CMTM7: variants seen among roughly 807,000 people sequenced by gnomAD.
CMTM7 encodes CKLF like MARVEL transmembrane domain containing 7.
Under a neutral mutation model 19.3 loss-of-function variants are expected in CMTM7, and 7 were observed. That is an observed-to-expected ratio of 0.36 (90% CI 0.21 to 0.68). CMTM7 has a LOEUF of 0.68. Ranked by LOEUF, CMTM7 falls within the 30% of genes least tolerant of loss-of-function variation. The probability of loss-of-function intolerance (pLI) is 0.60; values close to 1 mark genes in which losing one functional copy is unlikely to be tolerated. For synonymous variants in CMTM7, 87 were observed against 99.3 expected, an observed-to-expected ratio of 0.88 and a Z score of 0.74; for missense variants, 193 against 232.6, an observed-to-expected ratio of 0.83 and a Z score of 1.11.
chr3:32,423,013 C>G (rs539072252), intron 1 of CMTM7, among the ~76,000 whole-genome samples: 25 of 152,348 alleles, frequency 1.6e-4, no homozygotes, highest in Middle Eastern at 3.4e-3. Context: ...AGGCACAAAA[C>G]CTCAGTGGCA....
chr3:32,425,502 A>G (rs115656283), intron 1 of CMTM7, among the ~76,000 whole-genome samples: 53 of 152,204 alleles, frequency 3.5e-4, no homozygotes, highest in African/African-American at 1.3e-3. Context: ...GGAAAAAAAA[A>G]AAAATAAAAG....
chr3:32,395,449 A>C (rs923247295), intron 1 of CMTM7, among the ~76,000 whole-genome samples: 11 of 152,258 alleles, frequency 7.2e-5, no homozygotes, highest in African/African-American at 2.2e-4. Context: ...AACGGGCTAA[A>C]GAGTTAAAGA....
chr3:32,425,353 C>G (rs564133293), intron 1 of CMTM7, among the ~76,000 whole-genome samples: 1 of 152,262 alleles, frequency 6.6e-6, no homozygotes, highest in South Asian at 2.1e-4. Context: ...CAGTCACACC[C>G]TTTTATTTTG....
At chr3:32,441,786 C>T (rs1559413440) in intron 1 of CMTM7, 54 bp from the exon 2 acceptor site, 4 of 1,536,038 alleles carry the variant, frequency 2.6e-6, no homozygotes, top group East Asian at 4.5e-5. Flanking sequence ...TTGTTTGTTC[C>T]CTGGGTGCCC....
chr3:32,453,648 G>A (rs1252196676), intron 4 of CMTM7, among the ~76,000 whole-genome samples: 1 of 152,164 alleles, frequency 6.6e-6, no homozygotes, highest in Admixed American at 6.5e-5. Flanking sequence ...AGAGACACAA[G>A]GTAGACCCAT....
intron 1 of CMTM7, among the ~76,000 whole-genome samples, chr3:32,411,557 G>C (rs1208165756): frequency 6.6e-6 from 1 of 152,298 alleles, no homozygotes; most frequent in Non-Finnish European, 1.5e-5. Flanking sequence ...TGCTGGGTTT[G>C]TGCACTGGCT....
chr3:32,454,106 TCTC>T (rs1229888659), intron 4 of CMTM7, 132 bp from the exon 5 acceptor site: 1 of 941,092 alleles, frequency 1.1e-6, no homozygotes, highest in Non-Finnish European at 1.6e-6. Context: ...AATGGAATAA[TCTC>T]AGTGCAAGTC....
At chr3:32,435,158 C>CT (rs898789253) in intron 1 of CMTM7, among the ~76,000 whole-genome samples, 35 of 152,340 alleles carry the variant, frequency 2.3e-4, no homozygotes, top group Admixed American at 1.5e-3. Flanking sequence ...AATCTCAACA[C>CT]TTTGGGAGGC....
Position 32,436,191 on chromosome 3 carries a change from G to T in CMTM7, c.160-5649G>T, listed in dbSNP as rs72858815. Among the ~76,000 whole-genome samples, 403 of 152,284 alleles carry T rather than the reference G, an allele frequency of 2.6e-3. 2 individuals carry two copies. The highest frequency in any genetic ancestry group is 9.2e-3 in the African/African-American group (383 of 41,562). On this transcript the variant is annotated intron_variant, in intron 1 of 4. Coordinates refer to ENST00000334983, the MANE Select transcript of CMTM7 (RefSeq NM_138410.4). ...TTATAGATACAAAACAAAACTATGT[G>T]CTGGGGGGAATAGGAGCATGGGCAG...
chr3:32,423,198 G>A (rs554871868), intron 1 of CMTM7, among the ~76,000 whole-genome samples: 1 of 152,264 alleles, frequency 6.6e-6, no homozygotes, highest in South Asian at 2.1e-4. Context: ...TCATCCTTCT[G>A]AGGCCAGCAG....
At chr3:32,421,587 G>A (rs1696344840) in intron 1 of CMTM7, among the ~76,000 whole-genome samples, 1 of 152,106 alleles carries the variant, frequency 6.6e-6, no homozygotes, top group African/African-American at 2.4e-5. Flanking sequence ...ACAAATTGTA[G>A]CTCTCTGGTG....
At chr3:32,399,268 T>G (rs913525894) in intron 1 of CMTM7, among the ~76,000 whole-genome samples, 9 of 151,912 alleles carry the variant, frequency 5.9e-5, no homozygotes, top group South Asian at 2.1e-4. Flanking sequence ...CTTTTGTTTT[T>G]TTTTTTTTTT....
chr3:32,443,131 C>A (rs1257523368), intron 2 of CMTM7, among the ~76,000 whole-genome samples: 1 of 152,134 alleles, frequency 6.6e-6, no homozygotes, highest in Non-Finnish European at 1.5e-5. Context: ...CAGGGTCTCA[C>A]TCTGTCACCC....
rs796825427 is a variant in CMTM7, at chr3:32,399,263, G to GTT, written c.159+7212_159+7213dup. Among the ~76,000 whole-genome samples, 821 of 128,442 alleles carry GTT rather than the reference G, an allele frequency of 6.4e-3. 11 individuals are homozygous for GTT. The highest frequency in any genetic ancestry group is 0.021 in the South Asian group (85 of 4,004). The allele number at this position is 128,442 out of a possible 152,430, so 84.3% of individuals were successfully genotyped here. A position where few individuals can be genotyped will look rare whatever the true frequency, so the allele number is the denominator to read the frequency against. On this transcript the variant is annotated intron_variant, in intron 1 of 4. Coordinates refer to ENST00000334983, the MANE Select transcript of CMTM7 (RefSeq NM_138410.4). ...ATTTTGGAATTTTATGGAACCTTTT[G>GTT]TTTTTTTTTTTTTTTGGTTGTCACA... is the stretch of plus-strand genomic sequence containing the variant.
intron 1 of CMTM7, among the ~76,000 whole-genome samples, chr3:32,416,690 A>G (rs1044201169): frequency 1.8e-4 from 28 of 152,210 alleles, no homozygotes; most frequent in East Asian, 1.7e-3. Flanking sequence ...ACGCCCAACC[A>G]TATGTACTTG....
intron 1 of CMTM7, among the ~76,000 whole-genome samples, chr3:32,417,222 A>G (rs534233402): frequency 1.3e-5 from 2 of 152,324 alleles, no homozygotes; most frequent in African/African-American, 4.8e-5. Flanking sequence ...CTGCCCCTTC[A>G]TAGTCAATCC....
rs118123818 is a variant in CMTM7, at chr3:32,429,985, C to T, written c.160-11855C>T. Among the ~76,000 whole-genome samples the T allele has an allele frequency of 8.7e-4, 133 of 152,302 alleles. 1 individual carries two copies. In the East Asian group the frequency reaches 0.021, roughly 24 times the overall value. Reference sequence around the variant, plus strand: ...GAATAGCACAGTGAACACTTGTGTACCTGTCACCCGACTACAACAATCATC... The same window carrying T: ...GAATAGCACAGTGAACACTTGTGTATCTGTCACCCGACTACAACAATCATC... On this transcript the variant is annotated intron_variant, in intron 1 of 4. Transcript: ENST00000334983.
intron 1 of CMTM7, among the ~76,000 whole-genome samples, chr3:32,441,350 A>C (rs1229361548): frequency 6.6e-6 from 1 of 152,232 alleles, no homozygotes; most frequent in Non-Finnish European, 1.5e-5. Flanking sequence ...AGACATCAGT[A>C]AATGGTAACT....
intron 1 of CMTM7, among the ~76,000 whole-genome samples, chr3:32,392,816 A>C (rs924625341): frequency 6.6e-6 from 1 of 152,004 alleles, no homozygotes; most frequent in Non-Finnish European, 1.5e-5. Flanking sequence ...ATTGTGACCA[A>C]CTCAGCACAA....
Sources: gnomAD v4.1 joint callset for allele counts (sites outside exome capture counted in the v4.1 genomes callset) on GRCh38, gnomAD v4.1.1 for gene constraint, MANE v1.5 for transcripts, NCBI Gene and HGNC (gene_info 2026-07-23, HGNC 2026-07-21) for gene names.